CFAP47: variants seen among roughly 807,000 people sequenced by gnomAD.
CFAP47 encodes the protein cilia and flagella associated protein 47.
Under a neutral mutation model 148.1 loss-of-function variants are expected in CFAP47, and 29 were observed. The ratio of observed to expected loss-of-function variants is 0.20; its 90% CI spans 0.15 to 0.27. CFAP47 has a LOEUF of 0.27. Ranked by LOEUF, CFAP47 falls within the 10% of genes least tolerant of loss-of-function variation. The pLI is 1.00. For missense variants in CFAP47, 1,872 were observed against 1,697.5 expected (o/e 1.10, Z -1.81); for synonymous variants, 664 against 577.3 (o/e 1.15, Z -2.15).
intron 10 of CFAP47, among the ~76,000 whole-genome samples, chrX:35,968,918 AT>A (rs1185668131): frequency 9.1e-6 from 1 of 109,941 alleles, no homozygotes; most frequent in Non-Finnish European, 1.9e-5. Context: ...TCTAGCAATA[AT>A]TTTTTATGTA....
At chrX:36,128,281 T>C (rs1255436384) in intron 33 of CFAP47, among the ~76,000 whole-genome samples, 1 of 111,250 alleles carries the variant, frequency 9.0e-6, no homozygotes, top group Non-Finnish European at 1.9e-5. Context: ...GTTATTATTT[T>C]TCTCTGAACA....
chrX:35,988,712 A>C (rs769495696), intron 15 of CFAP47, among the ~76,000 whole-genome samples: 1 of 112,034 alleles, frequency 8.9e-6, no homozygotes, highest in African/African-American at 3.2e-5. Context: ...CTTTCTCCAA[A>C]GGAAATGATG....
chrX:36,352,622 G>T (rs1327505251), intron 59 of CFAP47, among the ~76,000 whole-genome samples: 2 of 109,917 alleles, frequency 1.8e-5, no homozygotes, highest in African/African-American at 3.3e-5. Flanking sequence ...GATAGTAGTA[G>T]AGCATTTTAT....
At chrX:36,057,898 C>A (rs1937567191) in intron 26 of CFAP47, among the ~76,000 whole-genome samples, 1 of 111,503 alleles carries the variant, frequency 9.0e-6, no homozygotes, top group Non-Finnish European at 1.9e-5. Flanking sequence ...GTGTTTATGA[C>A]CTTTTCCAGT....
intron 35 of CFAP47, among the ~76,000 whole-genome samples, chrX:36,142,025 T>TA (rs397946794): frequency 0.1 from 11,282 of 108,583 alleles, 1,193 homozygotes; most frequent in African/African-American, 0.31. Flanking sequence ...TGATTAAAAA[T>TA]AAAAAAAAAG....
At chrX:35,962,536 T>C (rs2146654974) in intron 8 of CFAP47, among the ~76,000 whole-genome samples, 1 of 111,404 alleles carries the variant, frequency 9.0e-6, no homozygotes, top group South Asian at 3.7e-4. Context: ...GTCTTGACCC[T>C]TTTATCATTA....
At chrX:36,305,385 C>T (rs1394748066) in intron 54 of CFAP47, among the ~76,000 whole-genome samples, 1 of 111,431 alleles carries the variant, frequency 9.0e-6, no homozygotes, top group African/African-American at 3.2e-5. Context: ...TTTTAGAGAA[C>T]AGTCTAATCT....
intron 15 of CFAP47, among the ~76,000 whole-genome samples, chrX:35,987,078 G>A (rs1385246232): frequency 9.0e-6 from 1 of 111,624 alleles, no homozygotes; most frequent in South Asian, 3.8e-4. Context: ...CAGCAGGCAC[G>A]AGGGTCAGAG....
At chrX:36,354,719 C>T (rs1198814778) in intron 60 of CFAP47, among the ~76,000 whole-genome samples, 8 of 110,342 alleles carry the variant, frequency 7.3e-5, no homozygotes, top group African/African-American at 2.6e-4. Context: ...GTTTCTTGCA[C>T]TTCAGGAGGA....
At position 35,975,848 on chromosome X, in the gene CFAP47, C is replaced by T; in HGVS notation, c.2648C>T (p.Ala883Val). 2.5e-6 allele frequency: 3 copies of T among 1,208,652 alleles called. No homozygotes were observed. The highest frequency in any genetic ancestry group is 3.5e-5 in the African/African-American group (2 of 57,704). The change falls in exon 15 of 64, where the codon GCT (alanine) becomes GTT (valine). Residue 883 changes from alanine to valine, a missense_variant. Coordinates refer to ENST00000378653, the MANE Select transcript of CFAP47 (RefSeq NM_001304548.2). ...TTGTATAATCGTCAGAATTGTTGTG[C>T]TCAGTTTCAATGGCAACCCGTAAAC... The part of the protein sequence containing the change: ...VRLYNRQNCC[A>V]QFQWQPVNTG...
At position 35,970,905 on chromosome X, in the gene CFAP47, A is replaced by G. The variant is rs755567784; in HGVS notation, c.1952A>G (p.Gln651Arg). ...YLKYLRSVRL[Q>R]KKQAERERMY... ...AAATATTTAAGAAGTGTGCGCTTGC[A>G]GAAGAAACAAGCAGAGAGGTAATGT... Residue 651 changes from glutamine to arginine, a missense_variant, in exon 11 of 64, where the codon CAG becomes CGG. Coordinates refer to ENST00000378653, the MANE Select transcript of CFAP47 (RefSeq NM_001304548.2). The G allele has an allele frequency of 8.4e-7, 1 of 1,194,110 alleles. No individual in the cohort carries two copies. The highest frequency in any genetic ancestry group is 3.0e-5 in the East Asian group (1 of 33,330).
At chrX:35,962,743 C>A (rs1243925654) in intron 8 of CFAP47, among the ~76,000 whole-genome samples, 1 of 110,573 alleles carries the variant, frequency 9.0e-6, no homozygotes, top group African/African-American at 3.3e-5. Flanking sequence ...TGTGTTTTTG[C>A]CTACTCCACC....
At chrX:36,261,472 G>T (rs1464826266) in intron 49 of CFAP47, among the ~76,000 whole-genome samples, 1 of 105,242 alleles carries the variant, frequency 9.5e-6, no homozygotes, top group African/African-American at 3.6e-5. Context: ...AGGACCCTGC[G>T]GCCTTCCTCA....
intron 62 of CFAP47, among the ~76,000 whole-genome samples, chrX:36,371,712 G>GTGTGTATATACACACATGTGTATATATA: frequency 1.8e-5 from 1 of 57,075 alleles, no homozygotes; most frequent in Non-Finnish European, 3.1e-5. Flanking sequence ...GTGTATATAT[G>GTGTGTATATACACACATGTGTATATATA]TGTGTATATA....
chrX:36,035,667 T>G (rs533030370), intron 23 of CFAP47, 28 bp from the exon 24 acceptor site: 1 of 292,078 alleles, frequency 3.4e-6, no homozygotes, highest in Middle Eastern at 9.0e-4. Flanking sequence ...ATTTTAAACT[T>G]TTTTTGTCTT....
chrX:35,939,895 G>C (rs1408375612), intron 2 of CFAP47, among the ~76,000 whole-genome samples: 1 of 100,615 alleles, frequency 9.9e-6, no homozygotes, highest in Non-Finnish European at 2.0e-5. Flanking sequence ...GGTTGAACTA[G>C]TTTACAGTCC....
intron 25 of CFAP47, among the ~76,000 whole-genome samples, chrX:36,040,647 TAAC>T (rs919983834): frequency 1.8e-5 from 2 of 111,571 alleles, no homozygotes; most frequent in African/African-American, 6.5e-5. Flanking sequence ...AAAGAAAAGA[TAAC>T]AAGATCCACC....
At chrX:35,928,015 G>T (rs747400743) in intron 2 of CFAP47, among the ~76,000 whole-genome samples, 5 of 99,907 alleles carry the variant, frequency 5.0e-5, no homozygotes, top group Non-Finnish European at 1.0e-4. Context: ...ATATATATAT[G>T]TATATATATA....
chrX:36,095,687 A>G (rs1271906474), intron 30 of CFAP47, among the ~76,000 whole-genome samples: 2 of 111,126 alleles, frequency 1.8e-5, no homozygotes, highest in Non-Finnish European at 3.8e-5. Context: ...ACTTGTGATC[A>G]TTTGAATTTC....
Sources: gnomAD v4.1 joint callset for allele counts (sites outside exome capture counted in the v4.1 genomes callset) on GRCh38, gnomAD v4.1.1 for gene constraint, MANE v1.5 for transcripts, NCBI Gene and HGNC (gene_info 2026-07-23, HGNC 2026-07-21) for gene names.